Variants in MAPK10 observed in about 807,000 individuals in gnomAD.
The protein encoded by MAPK10 is mitogen-activated protein kinase 10, also known as JNK3 alpha protein kinase.
MAPK10 carries 25 observed loss-of-function variants against 59.3 expected under a neutral mutation model. The ratio of observed to expected loss-of-function variants is 0.42; its 90% CI spans 0.31 to 0.59. MAPK10 has a LOEUF of 0.59. Among genes scored for constraint, MAPK10 ranks in the 20% least tolerant of loss-of-function variants. The pLI, the probability that MAPK10 is intolerant of heterozygous loss-of-function variation, is 0.15. For missense variants in MAPK10, 351 were observed against 568.9 expected (o/e 0.62, Z 3.90); for synonymous variants, 190 against 200.5 (o/e 0.95, Z 0.44).
intron 2 of MAPK10, among the ~76,000 whole-genome samples, chr4:86,311,182 G>A (rs529903149): frequency 6.6e-6 from 1 of 152,060 alleles, no homozygotes; most frequent in South Asian, 2.1e-4. Flanking sequence ...TAGTATAAAT[G>A]TATTAATATC....
intron 1 of MAPK10, among the ~76,000 whole-genome samples, chr4:86,414,269 T>C (rs1745579914): frequency 6.6e-6 from 1 of 152,094 alleles, no homozygotes; most frequent in Non-Finnish European, 1.5e-5. Flanking sequence ...ATCCATGTGG[T>C]TCTAGAACAG....
intron 1 of MAPK10, among the ~76,000 whole-genome samples, chr4:86,510,468 G>C (rs1202109951): frequency 6.6e-6 from 1 of 151,874 alleles, no homozygotes; most frequent in Non-Finnish European, 1.5e-5. Context: ...TTTTCAAATT[G>C]TCAATCAATA....
intron 8 of MAPK10, chr4:86,099,942 T>A (rs2055028047): frequency 6.6e-6 from 1 of 152,304 alleles, no homozygotes; most frequent in African/African-American, 2.4e-5. Context: ...AGGGTGAACC[T>A]GACCTTTGTA....
Position 86,132,915 on chromosome 4 carries a change from C to T in MAPK10, c.237-25563G>A, listed in dbSNP as rs561194780. 2.6e-4 allele frequency among the ~76,000 whole-genome samples: 40 copies of T among 152,206 alleles called. No individual in the cohort carries two copies. The South Asian group carries it at 7.1e-3, about 27-fold the overall frequency. On this transcript the variant is annotated intron_variant, in intron 4 of 13. Coordinates refer to ENST00000641462, the MANE Select transcript of MAPK10 (RefSeq NM_138982.4). Reference sequence around the variant, plus strand: ...TGTATTATTATGTCATTATATATTACAATGTAATAATGATAGAAATAAAGT... The same window carrying T: ...TGTATTATTATGTCATTATATATTATAATGTAATAATGATAGAAATAAAGT...
At position 86,115,611 on chromosome 4, in the gene MAPK10, G is replaced by A. The variant is rs535016334; in HGVS notation, c.237-8259C>T. Among the ~76,000 whole-genome samples, 798 of 152,120 alleles carry A rather than the reference G, an allele frequency of 5.2e-3. 3 individuals are homozygous for A. The highest frequency in any genetic ancestry group is 8.7e-3 in the South Asian group (42 of 4,812). Reference sequence around the variant, plus strand: ...TGAGTAGCTGGGATTACAGTCATGCGCCACCACGCCCAGCTTATTTTGTAT... The same window carrying A: ...TGAGTAGCTGGGATTACAGTCATGCACCACCACGCCCAGCTTATTTTGTAT... On this transcript the variant is annotated intron_variant, in intron 4 of 13. Transcript: ENST00000641462.
At chr4:86,136,346 A>G (rs1581012978) in intron 4 of MAPK10, among the ~76,000 whole-genome samples, 1 of 152,152 alleles carries the variant, frequency 6.6e-6, no homozygotes, top group African/African-American at 2.4e-5. Context: ...CTCAGCAGAA[A>G]CCCTACAAGC....
intron 2 of MAPK10, among the ~76,000 whole-genome samples, chr4:86,271,557 G>A (rs755701268): frequency 1.3e-5 from 2 of 151,956 alleles, no homozygotes; most frequent in Non-Finnish European, 1.5e-5. Context: ...CAGGTAGTGA[G>A]CATGATGCCT....
At chr4:86,351,534 G>T (rs1731480065) in intron 2 of MAPK10, among the ~76,000 whole-genome samples, 2 of 151,946 alleles carry the variant, frequency 1.3e-5, no homozygotes, top group Non-Finnish European at 1.5e-5. Context: ...AAGTCCAGTT[G>T]TTTGTTACAT....
chr4:86,233,487 C>G (rs76008120), intron 2 of MAPK10, among the ~76,000 whole-genome samples: 12,876 of 152,146 alleles, frequency 0.085, 1,188 homozygotes, highest in African/African-American at 0.23. Context: ...AGGCATTAAC[C>G]TCCCTCCCCC....
At chr4:86,550,855 T>C (rs1759721929) in intron 1 of MAPK10, among the ~76,000 whole-genome samples, 1 of 152,212 alleles carries the variant, frequency 6.6e-6, no homozygotes, top group African/African-American at 2.4e-5. Flanking sequence ...TTTGGTATTA[T>C]GGCACCTCCT....
intron 1 of MAPK10, among the ~76,000 whole-genome samples, chr4:86,385,885 G>T (rs182473042): frequency 6.6e-6 from 1 of 152,160 alleles, no homozygotes; most frequent in Non-Finnish European, 1.5e-5. Flanking sequence ...CTAGCAAGAA[G>T]GTGGTTAGAC....
chr4:86,107,408 T>C, intron 4 of MAPK10, 56 bp from the exon 5 acceptor site: 4 of 1,577,366 alleles, frequency 2.5e-6, no homozygotes, highest in Non-Finnish European at 3.4e-6. Flanking sequence ...TTAGAACTCT[T>C]GCCTACTTGA....
chr4:86,266,874 A>T (rs2094260374), intron 2 of MAPK10, among the ~76,000 whole-genome samples: 1 of 151,666 alleles, frequency 6.6e-6, no homozygotes, highest in Admixed American at 6.6e-5. Flanking sequence ...AATATTATAT[A>T]ATATTTTCTG....
chr4:86,452,747 C>G (rs575774125), intron 1 of MAPK10, among the ~76,000 whole-genome samples: 1 of 152,052 alleles, frequency 6.6e-6, no homozygotes, highest in African/African-American at 2.4e-5. Flanking sequence ...GAGATCATGG[C>G]GGACGGGAGG....
At position 86,507,655 on chromosome 4, in the gene MAPK10, T is replaced by TATATAC. The variant is rs59148309; in HGVS notation, c.-263+86254_-263+86255insGTATAT. Among the ~76,000 whole-genome samples, 335 of 71,260 alleles carry TATATAC rather than the reference T, an allele frequency of 4.7e-3. 27 individuals are homozygous for TATATAC. The highest frequency in any genetic ancestry group is 7.7e-3 in the East Asian group (16 of 2,080). The allele number at this position is 71,260 out of a possible 152,430, so 46.7% of individuals were successfully genotyped here. A position where few individuals can be genotyped will look rare whatever the true frequency, so the allele number is the denominator to read the frequency against. On this transcript the variant is annotated intron_variant, in intron 1 of 4. Coordinates refer to the MAPK10 transcript ENST00000502302. ...ATATATATATATATATATATATATA[T>TATATAC]ATATATATATATATATAAAATCATG...
chr4:86,550,395 A>C (rs1355655839), intron 1 of MAPK10, among the ~76,000 whole-genome samples: 7 of 120,650 alleles, frequency 5.8e-5, no homozygotes, highest in Admixed American at 1.8e-4. Context: ...AAAAAAAAAA[A>C]AAAAAAAAAA....
chr4:86,474,139 A>G (rs1579333218), intron 1 of MAPK10, among the ~76,000 whole-genome samples: 1 of 152,228 alleles, frequency 6.6e-6, no homozygotes, highest in East Asian at 1.9e-4. Flanking sequence ...ATATATTTCC[A>G]ACAGGGTTTC....
chr4:86,571,480 A>T (rs1159111720), intron 1 of MAPK10, among the ~76,000 whole-genome samples: 1 of 152,034 alleles, frequency 6.6e-6, no homozygotes, highest in Non-Finnish European at 1.5e-5. Flanking sequence ...ATAAAAGGAA[A>T]ACTAGAGATA....
intron 4 of MAPK10, among the ~76,000 whole-genome samples, chr4:86,150,853 C>T (rs1436790793): frequency 6.6e-6 from 1 of 151,812 alleles, no homozygotes; most frequent in African/African-American, 2.4e-5. Context: ...CAGAGTGAGA[C>T]TCCGTCTCAA....
Sources: gnomAD v4.1 joint callset for allele counts (sites outside exome capture counted in the v4.1 genomes callset) on GRCh38, gnomAD v4.1.1 for gene constraint, MANE v1.5 for transcripts, NCBI Gene and HGNC (gene_info 2026-07-23, HGNC 2026-07-21) for gene names.